ATXN1: variants seen among roughly 807,000 people sequenced by gnomAD.
ATXN1 encodes ataxin-1.
Under a neutral mutation model 56.4 loss-of-function variants are expected in ATXN1, and 8 were observed. That is an observed-to-expected ratio of 0.14 (90% confidence interval 0.08 to 0.26). The LOEUF (loss-of-function observed/expected upper bound fraction) is 0.26, where lower values mean the gene tolerates loss of function less well. ATXN1 is among the 10% of genes least tolerant of loss of function. The pLI, the probability that ATXN1 is intolerant of heterozygous loss-of-function variation, is 1.00. For synonymous variants in ATXN1, 514 were observed against 494.6 expected, an observed-to-expected ratio of 1.04 and a Z score of -0.52; for missense variants, 987 against 1,106.5, an observed-to-expected ratio of 0.89 and a Z score of 1.53.
intron 2 of ATXN1, among the ~76,000 whole-genome samples, chr6:16,702,638 A>C (rs1759311094): frequency 2.0e-5 from 3 of 152,256 alleles, no homozygotes; most frequent in Admixed American, 2.0e-4. Context: ...CAAATTTACA[A>C]GAAAAAAACA....
At chr6:16,704,228 A>G (rs1228577401) in intron 2 of ATXN1, among the ~76,000 whole-genome samples, 1 of 152,210 alleles carries the variant, frequency 6.6e-6, no homozygotes, top group Non-Finnish European at 1.5e-5. Flanking sequence ...TGGTCTCCAG[A>G]GCCTGCTAAG....
chr6:16,456,926 G>A (rs1044694530), intron 6 of ATXN1, among the ~76,000 whole-genome samples: 4 of 152,136 alleles, frequency 2.6e-5, no homozygotes, highest in African/African-American at 9.7e-5. Context: ...CCTAACAAAG[G>A]CTATTCCCAA....
At chr6:16,664,369 G>A (rs1561799078) in intron 2 of ATXN1, among the ~76,000 whole-genome samples, 1 of 152,112 alleles carries the variant, frequency 6.6e-6, no homozygotes, top group Non-Finnish European at 1.5e-5. Context: ...GAAGGAAAAT[G>A]TCTTGCTTTT....
At chr6:16,435,098 G>T (rs1759361393) in intron 6 of ATXN1, among the ~76,000 whole-genome samples, 1 of 152,204 alleles carries the variant, frequency 6.6e-6, no homozygotes, top group Admixed American at 6.5e-5. Context: ...TTAGGCATCT[G>T]TCTTGGGTAA....
chr6:16,647,116 T>C (rs1349140585), intron 3 of ATXN1, among the ~76,000 whole-genome samples: 3 of 152,166 alleles, frequency 2.0e-5, no homozygotes, highest in African/African-American at 7.2e-5. Context: ...GCAATTCTCC[T>C]GTCTCAGACG....
At chr6:16,529,361 C>T (rs1581824228) in intron 4 of ATXN1, among the ~76,000 whole-genome samples, 1 of 150,546 alleles carries the variant, frequency 6.6e-6, no homozygotes, top group South Asian at 2.1e-4. Context: ...ACAGTGGCAA[C>T]GACACAAAAT....
rs200105223 is a variant in ATXN1, at chr6:16,327,429, G to A, written c.882C>T (p.Ala294=). Residue 294 remains alanine (A), a synonymous_variant, in exon 7 of 8, where the codon GCC becomes GCT. Coordinates refer to ENST00000436367, the MANE Select transcript of ATXN1 (RefSeq NM_001128164.2). The part of the protein sequence containing the change: ...GPPSQVVMQY[A]DSGSHFVPRE... ...GAGGGACAAAGTGGCTGCCGGAGTC[G>A]GCGTATTGCATGACGACCTGGGAGG... 182 of 1,613,654 alleles carry A rather than the reference G, an allele frequency of 1.1e-4. No individual in the cohort carries two copies. The East Asian group carries it at 1.4e-3, about 13-fold the overall frequency.
intron 6 of ATXN1, among the ~76,000 whole-genome samples, chr6:16,375,938 A>G (rs1283293729): frequency 6.6e-6 from 1 of 152,270 alleles, no homozygotes; most frequent in East Asian, 1.9e-4. Flanking sequence ...CAGATTTCCC[A>G]CTGGGCTTTA....
intron 2 of ATXN1, among the ~76,000 whole-genome samples, chr6:16,673,946 G>C (rs780568466): frequency 6.6e-6 from 1 of 152,140 alleles, no homozygotes; most frequent in Non-Finnish European, 1.5e-5. Flanking sequence ...AGGGCAAAAT[G>C]GTCCCCAGTT....
chr6:16,734,376 T>C (rs915737713), intron 2 of ATXN1, among the ~76,000 whole-genome samples: 1 of 152,142 alleles, frequency 6.6e-6, no homozygotes, highest in African/African-American at 2.4e-5. Context: ...AGTTCTTCTT[T>C]GTTCTCCATG....
chr6:16,623,807 G>A (rs983397222), intron 3 of ATXN1, among the ~76,000 whole-genome samples: 3 of 152,192 alleles, frequency 2.0e-5, no homozygotes, highest in African/African-American at 4.8e-5. Flanking sequence ...AAACATATCC[G>A]ATGTGAATAG....
chr6:16,402,683 C>T (rs1418418784), intron 6 of ATXN1, among the ~76,000 whole-genome samples: 1 of 152,174 alleles, frequency 6.6e-6, no homozygotes, highest in Non-Finnish European at 1.5e-5. Context: ...CACTCCTGTT[C>T]TCATTTATTC....
At chr6:16,595,702 G>C (rs1400718765) in intron 3 of ATXN1, among the ~76,000 whole-genome samples, 1 of 152,222 alleles carries the variant, frequency 6.6e-6, no homozygotes, top group Non-Finnish European at 1.5e-5. Context: ...AGGAATGAGA[G>C]ACTTTCACCT....
At chr6:16,378,441 C>G (rs1011017107) in intron 6 of ATXN1, among the ~76,000 whole-genome samples, 1 of 152,188 alleles carries the variant, frequency 6.6e-6, no homozygotes, top group Non-Finnish European at 1.5e-5. Context: ...TTCCCAGGAG[C>G]ACAGAATATG....
chr6:16,756,522 ATAACCTTGGAAG>A (rs778423756), intron 1 of ATXN1, among the ~76,000 whole-genome samples: 14 of 152,224 alleles, frequency 9.2e-5, no homozygotes, highest in Non-Finnish European at 1.9e-4. Context: ...CCTGCTTCTG[ATAACCTTGGAAG>A]TATGACCAGA....
intron 4 of ATXN1, among the ~76,000 whole-genome samples, chr6:16,562,051 G>C (rs1762128847): frequency 6.6e-6 from 1 of 152,150 alleles, no homozygotes; most frequent in Non-Finnish European, 1.5e-5. Flanking sequence ...TAGAGGGTAA[G>C]AGAAAATAAA....
intron 4 of ATXN1, among the ~76,000 whole-genome samples, 175 bp from the exon 5 acceptor site, chr6:16,522,863 G>T (rs236937): frequency 0.15 from 22,456 of 152,020 alleles, 2,656 homozygotes; most frequent in African/African-American, 0.33. Flanking sequence ...CTGACTATAT[G>T]AATTTTAAAA....
In ATXN1 at chr6:16,309,087, T is replaced by C. The variant is rs537983896; in HGVS notation, c.1918-2228A>G. Among the ~76,000 whole-genome samples the C allele has an allele frequency of 1.9e-4, 29 of 151,306 alleles. No homozygotes were observed. The South Asian group carries it at 5.4e-3, about 28-fold the overall frequency. On this transcript the variant is annotated intron_variant, in intron 7 of 7. Transcript: ENST00000436367. ...TACAGAAATTTAAAAAAAAATAGCC[T>C]AGTGTGGTGATGCGTGCCTGTAGTC...
intron 7 of ATXN1, among the ~76,000 whole-genome samples, chr6:16,319,367 C>T (rs1032048262): frequency 1.3e-5 from 2 of 152,180 alleles, no homozygotes; most frequent in Non-Finnish European, 2.9e-5. Flanking sequence ...CCGGATGATT[C>T]CAACTGCATG....
Sources: allele counts gnomAD v4.1 joint callset (sites outside exome capture counted in the v4.1 genomes callset), GRCh38; gene constraint gnomAD v4.1.1; transcripts MANE v1.5; gene names NCBI Gene and HGNC (gene_info 2026-07-23, HGNC 2026-07-21).